Variants in MCF2L observed in about 807,000 individuals in gnomAD.
MCF2L encodes guanine nucleotide exchange factor DBS.
MCF2L carries 97 observed loss-of-function variants against 153.4 expected under a neutral mutation model. That is an observed-to-expected ratio of 0.63 (90% confidence interval 0.54 to 0.75). The LOEUF (loss-of-function observed/expected upper bound fraction) is 0.75, where lower values mean the gene tolerates loss of function less well. Among genes scored for constraint, MCF2L ranks in the 30% least tolerant of loss-of-function variants. The pLI is 0.00. For synonymous variants in MCF2L, 659 were observed against 632.2 expected, an observed-to-expected ratio of 1.04 and a Z score of -0.64; for missense variants, 1,347 against 1,495.2, an observed-to-expected ratio of 0.90 and a Z score of 1.64.
chr13:113,073,453 G>C (rs1307853077), intron 9 of MCF2L, among the ~76,000 whole-genome samples: 1 of 152,144 alleles, frequency 6.6e-6, no homozygotes, highest in Non-Finnish European at 1.5e-5. Context: ...GCCAGATGCA[G>C]GGGGTTCAAG....
chr13:113,090,874 G>A (rs2035138147), intron 26 of MCF2L: 1 of 1,161,394 alleles, frequency 8.6e-7, no homozygotes. Flanking sequence ...CGTCCCTAGA[G>A]ACGGGCCCCG....
rs771576009 is a variant in MCF2L, at chr13:113,024,702, C to T, written c.222C>T (p.Ser74=). ...VITFPDYPAF[S]EIPDKEFQNV... ...CCTTCCCTGACTACCCGGCCTTCAG[C>T]GAGATTCCGGACAAGGAGTTCCAGA... Residue 74 remains serine, a synonymous_variant, in exon 3 of 30, where the codon AGC becomes AGT. Transcript: ENST00000535094. 5.0e-6 allele frequency: 8 copies of T among 1,614,210 alleles called. No homozygotes were observed. Among genetic ancestry groups the T allele is most frequent in the East Asian group, 4.5e-5 (2 of 44,890 alleles).
intron 2 of MCF2L, among the ~76,000 whole-genome samples, chr13:112,920,124 C>T (rs2081337562): frequency 6.6e-6 from 1 of 152,134 alleles, no homozygotes; most frequent in Admixed American, 6.5e-5. Flanking sequence ...GCTACCTGGA[C>T]AGTTAGGTGT....
At position 112,941,240 on chromosome 13, in the gene MCF2L, C is replaced by T. The variant is rs1303561349; in HGVS notation, c.169+38869C>T. 6.6e-6 allele frequency among the ~76,000 whole-genome samples: 1 copy of T among 151,714 alleles called. No homozygotes were observed. Among genetic ancestry groups the T allele is most frequent in the Non-Finnish European group, 1.5e-5 (1 of 67,978 alleles). The stretch of plus-strand genomic sequence containing the variant: ...AGAAACATAGTTCCTGGGATGTGTC[C>T]TGTTCACAAAGCCCAGGGTACAGGT... On this transcript the variant is annotated intron_variant, in intron 2 of 29. Coordinates refer to the MCF2L transcript ENST00000375608. This position sits in a 1 kb window ranked among gnomAD's most constrained non-coding sequence, Gnocchi z 4.9.
At chr13:113,087,903 C>A in intron 23 of MCF2L, 104 bp downstream of exon 23, 1 of 939,760 alleles carries the variant, frequency 1.1e-6, no homozygotes, top group Non-Finnish European at 1.7e-6. Context: ...AGCCCAGGAG[C>A]AGCCGCTGTA....
intron 1 of MCF2L, among the ~76,000 whole-genome samples, chr13:112,898,968 G>A (rs770352543): frequency 2.0e-5 from 3 of 151,642 alleles, no homozygotes; most frequent in African/African-American, 7.3e-5. Context: ...AGGGAGCACC[G>A]GGCAGGGCCC....
At position 112,943,594 on chromosome 13, in the gene MCF2L, G is replaced by T. The variant is rs915810996; in HGVS notation, c.169+41223G>T. ...CCGCGCCTTTCAAGGAGGAGGCCCC[G>T]TGCAGGCGCCCAGGCGCAGAGGAGG... On this transcript the variant is annotated intron_variant, in intron 2 of 29. Transcript: ENST00000375608. This position sits in a 1 kb window ranked among gnomAD's most constrained non-coding sequence, Gnocchi z 4.2. 6.6e-6 allele frequency among the ~76,000 whole-genome samples: 1 copy of T among 152,126 alleles called. No homozygotes were observed. Among genetic ancestry groups the T allele is most frequent in the Non-Finnish European group, 1.5e-5 (1 of 68,000 alleles).
intron 1 of MCF2L, among the ~76,000 whole-genome samples, chr13:112,899,913 G>C (rs1291533657): frequency 1.3e-5 from 2 of 152,180 alleles, no homozygotes; most frequent in Non-Finnish European, 2.9e-5. Flanking sequence ...ATGCTTGCAG[G>C]GTCTTGCCTC....
intron 2 of MCF2L, among the ~76,000 whole-genome samples, chr13:112,963,735 G>A (rs545517945): frequency 4.6e-5 from 7 of 152,304 alleles, no homozygotes; most frequent in South Asian, 4.1e-4. Context: ...AGATGGAGTC[G>A]CCCTGGAGTA....
At position 113,096,590 on chromosome 13, in the gene MCF2L, C is replaced by T; in HGVS notation, c.3229C>T (p.Pro1077Ser). 1 of 1,603,280 alleles carries T rather than the reference C, an allele frequency of 6.2e-7. No individual in the cohort carries two copies. ...GACCACTGGCAAGGAGGGCTGGGTG[C>T]CGGCCAGCAGCCTGTCCGTCCGGCT... Reference protein sequence around the residue: ...DPTTGKEGWVPASSLSVRLGP... With the variant: ...DPTTGKEGWVSASSLSVRLGP... The change falls in exon 29 of 30, where the codon CCG becomes TCG. Residue 1077 changes from proline (P) to serine (S), a missense_variant. Pro to Ser is a moderately conservative substitution (Grantham distance 74). This residue lies in a region of MCF2L where 383 missense variants were observed against 335.4 expected (regional missense o/e 1.14). Coordinates refer to ENST00000535094, the MANE Select transcript of MCF2L (RefSeq NM_001112732.3).
At chr13:113,094,854 G>C (rs1380451530) in intron 27 of MCF2L, 10 of 1,089,996 alleles carry the variant, frequency 9.2e-6, no homozygotes, top group Admixed American at 8.4e-5. Flanking sequence ...CACAGCCCCA[G>C]CTCCTCCTAA....
chr13:112,939,421 C>T (rs1390601576), intron 2 of MCF2L, among the ~76,000 whole-genome samples: 1 of 152,184 alleles, frequency 6.6e-6, no homozygotes, highest in Non-Finnish European at 1.5e-5. Flanking sequence ...TTGCCCAGTG[C>T]ATGCCCCCAC....
chr13:113,090,217 C>G (rs898227912), intron 26 of MCF2L: 2 of 1,455,200 alleles, frequency 1.4e-6, no homozygotes, highest in Non-Finnish European at 1.8e-6. Context: ...TGTCATGCAT[C>G]GTGTGTGACC....
chr13:112,921,480 C>A (rs2081352688), intron 2 of MCF2L, among the ~76,000 whole-genome samples: 1 of 152,192 alleles, frequency 6.6e-6, no homozygotes, highest in South Asian at 2.1e-4. Context: ...GGAAAACAAT[C>A]AGGAACCAAA....
At chr13:112,944,250 A>G (rs531127139) in intron 2 of MCF2L, among the ~76,000 whole-genome samples, 15 of 146,756 alleles carry the variant, frequency 1.0e-4, no homozygotes, top group East Asian at 6.2e-4. Context: ...GTCCCGGGCC[A>G]TGAAGGGAGG....
chr13:112,982,544 C>T (rs2082473899), intron 1 of MCF2L, among the ~76,000 whole-genome samples: 1 of 152,134 alleles, frequency 6.6e-6, no homozygotes, highest in East Asian at 1.9e-4. Flanking sequence ...GGGGGGCCTC[C>T]TGCGGAGGAG....
chr13:113,046,858 G>A lies in MCF2L; in HGVS notation c.369+1497G>A, dbSNP rs2086849175. 2 of 321,708 alleles carry A rather than the reference G, an allele frequency of 6.2e-6. No homozygotes were observed. Among genetic ancestry groups the A allele is most frequent in the Non-Finnish European group, 1.2e-5 (2 of 164,148 alleles). The allele number at this position is 321,708 out of a possible 1,614,324, so 19.9% of individuals were successfully genotyped here. ...CAAAAAAGTAGACGTGTATAGAATC[G>A]GTCTTCCTTTGTTTTAACAGTGCGT... is the stretch of plus-strand genomic sequence containing the variant. On this transcript the variant is annotated intron_variant, in intron 4 of 29. Transcript: ENST00000535094. This position sits in a 1 kb window ranked among gnomAD's most constrained non-coding sequence, Gnocchi z 4.4.
chr13:113,090,972 G>T, intron 26 of MCF2L: 1 of 1,222,704 alleles, frequency 8.2e-7, no homozygotes, highest in Non-Finnish European at 1.0e-6. Context: ...CCTGTGTTTT[G>T]CTCACAGAAG....
intron 5 of MCF2L, among the ~76,000 whole-genome samples, chr13:113,063,136 T>G: frequency 6.6e-6 from 1 of 152,360 alleles, no homozygotes; most frequent in East Asian, 1.9e-4. Flanking sequence ...ACAGCACCAT[T>G]TGCTGCTCAC....
Sources: gnomAD v4.1 joint callset for allele counts (sites outside exome capture counted in the v4.1 genomes callset) on GRCh38, gnomAD v4.1.1 for gene constraint, gnomAD v4.1.1 regional missense constraint, Gnocchi (gnomAD v3.1) non-coding constraint, MANE v1.5 for transcripts, NCBI Gene and HGNC (gene_info 2026-07-23, HGNC 2026-07-21) for gene names.